Variants in MFN2 observed in about 807,000 individuals in gnomAD.
MFN2 encodes mitofusin 2.
MFN2 carries 43 observed loss-of-function variants against 87.5 expected under a neutral mutation model. That is an observed-to-expected ratio of 0.49 (90% confidence interval 0.38 to 0.63). The LOEUF is 0.63. MFN2 is among the 30% of genes least tolerant of loss of function. The pLI, the probability that MFN2 is intolerant of heterozygous loss-of-function variation, is 0.00. For missense variants in MFN2, 743 were observed against 972.8 expected, an observed-to-expected ratio of 0.76 and a Z score of 3.14; for synonymous variants, 337 against 359.9, an observed-to-expected ratio of 0.94 and a Z score of 0.72.
In MFN2 at chr1:11,981,995, C is replaced by T. The variant is rs1645995554; in HGVS notation, c.-124C>T. The T allele has an allele frequency of 6.8e-6, 1 of 146,994 alleles. No individual in the cohort carries two copies. The highest frequency in any genetic ancestry group is 1.5e-5 in the Non-Finnish European group (1 of 67,606). The allele number at this position is 146,994 out of a possible 1,614,324, so 9.1% of individuals were successfully genotyped here. On this transcript the variant is annotated 5_prime_UTR_variant, in exon 2 of 19. Transcript: ENST00000235329. Reference sequence around the variant, plus strand: ...TCAGGACTGGTGGAGTCAACACAGTCAATCAATAGCCAACCTCAACCTGAG... The same window carrying T: ...TCAGGACTGGTGGAGTCAACACAGTTAATCAATAGCCAACCTCAACCTGAG...
intron 18 of MFN2, among the ~76,000 whole-genome samples, chr1:12,010,989 G>T (rs1639668230): frequency 6.6e-6 from 1 of 152,112 alleles, no homozygotes; most frequent in Non-Finnish European, 1.5e-5. Flanking sequence ...ACCCTCACCG[G>T]ATCACTGGGC....
rs1639173341 is a variant in MFN2 at position 12,001,534 on chromosome 1, C to G, written c.950C>G (p.Ala317Gly). The part of the protein sequence containing the change: ...KEVLNARIQK[A>G]QGMPEGGGAL... ...GTGCTCAACGCCAGGATTCAGAAAGCCCAGGGCATGCCTGAAGGAGGTAAT... is the reference window on the plus strand; with the variant it reads ...GTGCTCAACGCCAGGATTCAGAAAGGCCAGGGCATGCCTGAAGGAGGTAAT... The change falls in exon 9 of 19, where the codon GCC (alanine) becomes GGC (glycine). Residue 317 changes from alanine (A) to glycine (G), a missense_variant. By Grantham distance (60) the Ala-to-Gly change is moderately conservative. This residue lies in a region of MFN2 where 571 missense variants were observed against 670.7 expected (regional missense o/e 0.85). Transcript: ENST00000235329. 1 of 1,614,198 alleles carries G rather than the reference C, an allele frequency of 6.2e-7. No homozygotes were observed. Among genetic ancestry groups the G allele is most frequent in the Non-Finnish European group, 8.5e-7 (1 of 1,180,040 alleles).
intron 15 of MFN2, 34 bp downstream of exon 15, chr1:12,005,965 G>A: frequency 5.0e-6 from 8 of 1,600,644 alleles, no homozygotes; most frequent in Non-Finnish European, 6.8e-6. Flanking sequence ...GGGCATTGTG[G>A]GGGGTCAGTC....
intron 4 of MFN2, among the ~76,000 whole-genome samples, chr1:11,993,361 A>C (rs1638775651): frequency 6.6e-6 from 1 of 152,160 alleles, no homozygotes; most frequent in African/African-American, 2.4e-5. Context: ...GCTAGCCATC[A>C]TCTCAAGTTA....
intron 17 of MFN2, among the ~76,000 whole-genome samples, chr1:12,009,217 G>A (rs975603949): frequency 6.6e-6 from 1 of 151,704 alleles, no homozygotes; most frequent in East Asian, 2.0e-4. Flanking sequence ...AGACCGTGGG[G>A]AGAGGGAGAG....
At chr1:12,001,864 G>A (rs1156560031) in intron 10 of MFN2, 28 bp downstream of exon 10, 16 of 1,613,766 alleles carry the variant, frequency 9.9e-6, no homozygotes, top group South Asian at 5.5e-5. Context: ...GGTATCTGGC[G>A]ATTCTGTGCC....
At position 12,004,117 on chromosome 1, in the gene MFN2, A is replaced by G. The variant is rs1639299128; in HGVS notation, c.1286A>G (p.Gln429Arg). 1 of 1,614,046 alleles carries G rather than the reference A, an allele frequency of 6.2e-7. No homozygotes were observed. The highest frequency in any genetic ancestry group is 1.1e-5 in the South Asian group (1 of 91,074). The change falls in exon 12 of 19, where the codon CAG (glutamine) becomes CGG (arginine). Residue 429 changes from glutamine (Q) to arginine (R), a missense_variant and splice_region_variant. Physicochemically the swap from Gln to Arg is conservative, Grantham distance 43. Coordinates refer to ENST00000235329, the MANE Select transcript of MFN2 (RefSeq NM_014874.4). The surrounding 1 kb of genome is among the most constrained non-coding windows in gnomAD (Gnocchi z 4.2). ...IKQITEEVER[Q>R]VSTAMAEEIR... ...CAGATTACGGAGGAAGTGGAGAGGCAGGTGAGAAATGAGGAGGAGGCATTC... is the reference window on the plus strand; with the variant it reads ...CAGATTACGGAGGAAGTGGAGAGGCGGGTGAGAAATGAGGAGGAGGCATTC...
intron 18 of MFN2, among the ~76,000 whole-genome samples, chr1:12,010,221 C>A (rs1254908681): frequency 6.6e-6 from 1 of 152,184 alleles, no homozygotes; most frequent in Non-Finnish European, 1.5e-5. Flanking sequence ...GGAGGCTCAA[C>A]AAGACACAGC....
At position 12,004,395 on chromosome 1, in the gene MFN2, G is replaced by A; in HGVS notation, c.1288-114G>A. 1 of 1,015,484 alleles carries A rather than the reference G, an allele frequency of 9.8e-7. No individual in the cohort carries two copies. Among genetic ancestry groups the A allele is most frequent in the Non-Finnish European group, 1.6e-6 (1 of 636,152 alleles). The allele number at this position is 1,015,484 out of a possible 1,614,324, so 62.9% of individuals were successfully genotyped here. A position where few individuals can be genotyped will look rare whatever the true frequency, so the allele number is the denominator to read the frequency against. On this transcript the variant is annotated intron_variant, in intron 12 of 18. Coordinates refer to ENST00000235329, the MANE Select transcript of MFN2 (RefSeq NM_014874.4). This position sits in a 1 kb window ranked among gnomAD's most constrained non-coding sequence, Gnocchi z 4.2. ...GGCTTTAATTCCATAGAGGAGCTGA[G>A]GAGGCTGCTGGTTTGAGAGGAAGGA...
At position 12,000,014 on chromosome 1, in the gene MFN2, G is replaced by T. The variant is rs558979455; in HGVS notation, c.816+919G>T. Among the ~76,000 whole-genome samples the T allele has an allele frequency of 7.4e-4, 112 of 151,750 alleles. 1 individual carries two copies. The highest frequency in any genetic ancestry group is 2.6e-3 in the African/African-American group (108 of 41,458). Reference sequence around the variant, plus strand: ...CGGGAGGCTAAGGCAGGAGAACGGCGTGAACCCGGGAGGTGGAGCTTGCAG... The same window carrying T: ...CGGGAGGCTAAGGCAGGAGAACGGCTTGAACCCGGGAGGTGGAGCTTGCAG... On this transcript the variant is annotated intron_variant, in intron 8 of 18. Transcript: ENST00000235329.
intron 1 of MFN2, among the ~76,000 whole-genome samples, chr1:11,980,847 C>A (rs991687329): frequency 6.6e-6 from 1 of 152,240 alleles, no homozygotes; most frequent in African/African-American, 2.4e-5. Context: ...CCCTGCCATC[C>A]CCACTTTGGG....
chr1:11,989,211 A>G lies in MFN2; in HGVS notation c.43A>G (p.Lys15Glu), dbSNP rs778984789. The G allele has an allele frequency of 6.2e-7, 1 of 1,614,110 alleles. No individual in the cohort carries two copies. The highest frequency in any genetic ancestry group is 1.1e-5 in the South Asian group (1 of 91,074). The change falls in exon 3 of 19, where the codon AAG becomes GAG. Residue 15 changes from lysine to glutamate, a missense_variant. Around this residue, in one of 3 missense-constraint regions of MFN2, gnomAD observed 31 missense variants for 23.2 expected, o/e 1.33. Transcript: ENST00000235329. ...FSRCNSIVTVKKNKRHMAEVN... is the reference protein window; with the variant it reads ...FSRCNSIVTVEKNKRHMAEVN... ...TCGATGCAACTCTATCGTCACAGTCAAGAAAAATAAGAGACACATGGCTGA... is the reference window on the plus strand; with the variant it reads ...TCGATGCAACTCTATCGTCACAGTCGAGAAAAATAAGAGACACATGGCTGA...
chr1:11,999,285 C>T (rs952745590), intron 8 of MFN2, among the ~76,000 whole-genome samples, 190 bp downstream of exon 8: 4 of 152,198 alleles, frequency 2.6e-5, no homozygotes, highest in African/African-American at 7.2e-5. Flanking sequence ...TTGCTGGATG[C>T]ACCCCCTCTT....
intron 17 of MFN2, among the ~76,000 whole-genome samples, chr1:12,008,006 C>T (rs1400877672): frequency 6.6e-6 from 1 of 152,130 alleles, no homozygotes; most frequent in Non-Finnish European, 1.5e-5. Flanking sequence ...CCTTGCACCG[C>T]CCTTAATCCA....
chr1:12,002,152 G>A (rs775295063), intron 11 of MFN2, 49 bp downstream of exon 11: 1 of 1,613,352 alleles, frequency 6.2e-7, no homozygotes, highest in African/African-American at 1.3e-5. Context: ...CGAGACAAGG[G>A]TGCTCCACCC....
intron 5 of MFN2, 78 bp from the exon 6 acceptor site, chr1:11,997,219 C>T: frequency 6.3e-7 from 1 of 1,596,764 alleles, no homozygotes; most frequent in Non-Finnish European, 8.6e-7. Context: ...AGCCACTGTG[C>T]TGTGATGCAG....
Position 12,004,791 on chromosome 1 carries a change from C to A in MFN2, c.1393-34C>A. On this transcript the variant is annotated intron_variant, in intron 13 of 18. Coordinates refer to ENST00000235329, the MANE Select transcript of MFN2 (RefSeq NM_014874.4). The surrounding 1 kb of genome is among the most constrained non-coding windows in gnomAD (Gnocchi z 4.2). ...GTGGCCTGAAGGGAATTTTGATGGA[C>A]ATGCTTCTCTTAACTTCCCTCTTCT... The A allele has an allele frequency of 6.3e-7, 1 of 1,598,236 alleles. No homozygotes were observed. The highest frequency in any genetic ancestry group is 8.6e-7 in the Non-Finnish European group (1 of 1,166,340).
At position 12,004,008 on chromosome 1, in the gene MFN2, A is replaced by T; in HGVS notation, c.1177A>T (p.Met393Leu). 6.2e-7 allele frequency: 1 copy of T among 1,614,244 alleles called. No homozygotes were observed. Among genetic ancestry groups the T allele is most frequent in the South Asian group, 1.1e-5 (1 of 91,086 alleles). The change falls in exon 12 of 19, where the codon ATG becomes TTG. Residue 393 changes from methionine (M) to leucine (L), a missense_variant. Around this residue, in one of 3 missense-constraint regions of MFN2, gnomAD observed 571 missense variants for 670.7 expected, o/e 0.85. Transcript: ENST00000235329. This position sits in a 1 kb window ranked among gnomAD's most constrained non-coding sequence, Gnocchi z 4.2. Reference sequence around the variant, plus strand: ...TGCTTTCAGGGTTTACTGCGAGGAAATGCGTGAAGAGCGGCAAGACCGACT... The same window carrying T: ...TGCTTTCAGGGTTTACTGCGAGGAATTGCGTGAAGAGCGGCAAGACCGACT... ...AREQQVYCEEMREERQDRLKF... is the reference protein window; with the variant it reads ...AREQQVYCEELREERQDRLKF...
At chr1:12,011,417 T>C in intron 18 of MFN2, 79 bp from the exon 19 acceptor site, 1 of 1,442,218 alleles carries the variant, frequency 6.9e-7, no homozygotes, top group Non-Finnish European at 9.8e-7. Flanking sequence ...TCAAGCGTCC[T>C]TAGGATGGTG....
Sources: gnomAD v4.1 joint callset for allele counts (sites outside exome capture counted in the v4.1 genomes callset) on GRCh38, gnomAD v4.1.1 for gene constraint, gnomAD v4.1.1 regional missense constraint, Gnocchi (gnomAD v3.1) non-coding constraint, MANE v1.5 for transcripts, NCBI Gene and HGNC (gene_info 2026-07-23, HGNC 2026-07-21) for gene names.